Variants in RIMBP2 observed in about 807,000 individuals in gnomAD.
RIMBP2 encodes RIMS-binding protein 2.
A neutral mutation model predicts 118.6 loss-of-function variants in RIMBP2; 48 were observed. The ratio of observed to expected loss-of-function variants is 0.40; its 90% confidence interval spans 0.32 to 0.51. The LOEUF (loss-of-function observed/expected upper bound fraction) is 0.51, where lower values mean the gene tolerates loss of function less well. RIMBP2 is among the 20% of genes least tolerant of loss of function. The pLI, the probability that RIMBP2 is intolerant of heterozygous loss-of-function variation, is 0.41. For synonymous variants in RIMBP2, 762 were observed against 742.9 expected, an observed-to-expected ratio of 1.03 and a Z score of -0.42; for missense variants, 1,551 against 1,768.3, an observed-to-expected ratio of 0.88 and a Z score of 2.20.
At chr12:130,504,660 G>A (rs1349656763) in intron 4 of RIMBP2, among the ~76,000 whole-genome samples, 2 of 152,128 alleles carry the variant, frequency 1.3e-5, no homozygotes, top group African/African-American at 4.8e-5. Flanking sequence ...CCCCAGAACT[G>A]TAAGAGAATA....
rs1401278340 is a variant in RIMBP2 at position 130,420,001 on chromosome 12, G to A, written c.3238+2452C>T. Among the ~76,000 whole-genome samples the A allele has an allele frequency of 6.6e-6, 1 of 152,160 alleles. No homozygotes were observed. Among genetic ancestry groups the A allele is most frequent in the Non-Finnish European group, 1.5e-5 (1 of 68,012 alleles). ...CCACTGCTTATTAAAAATAGGAAGT[G>A]TATGGTTTACAGACTTAATTTCCTC... On this transcript the variant is annotated intron_variant, in intron 17 of 22. Coordinates refer to ENST00000690449, the MANE Select transcript of RIMBP2 (RefSeq NM_001393629.1). The surrounding 1 kb of genome is among the most constrained non-coding windows in gnomAD (Gnocchi z 4.3).
In RIMBP2 at chr12:130,446,790, A is replaced by G. The variant is rs535069387; in HGVS notation, c.582-1521T>C. On this transcript the variant is annotated intron_variant, in intron 9 of 22. Transcript: ENST00000690449. The surrounding 1 kb of genome is among the most constrained non-coding windows in gnomAD (Gnocchi z 4.1). ...TTTTAAGCCAGGGAGCGACAGGATC[A>G]TGTTTGCGTTTTACAAAGAGACCTC... Among the ~76,000 whole-genome samples the G allele has an allele frequency of 6.6e-6, 1 of 152,322 alleles. No homozygotes were observed. Among genetic ancestry groups the G allele is most frequent in the East Asian group, 1.9e-4 (1 of 5,178 alleles).
intron 6 of RIMBP2, among the ~76,000 whole-genome samples, chr12:130,460,707 G>C (rs1177422838): frequency 6.6e-6 from 1 of 152,150 alleles, no homozygotes; most frequent in Non-Finnish European, 1.5e-5. Flanking sequence ...AGCAACAGCA[G>C]GGATATTGGT....
intron 2 of RIMBP2, among the ~76,000 whole-genome samples, chr12:130,531,813 A>ATGAGAGTCCATGAGAGTCC: frequency 6.7e-6 from 1 of 149,462 alleles, no homozygotes; most frequent in Admixed American, 6.7e-5. Flanking sequence ...CATGAGAGTC[A>ATGAGAGTCCATGAGAGTCC]AAACCCAGAT....
chr12:130,637,087 C>A (rs12813236), intron 1 of RIMBP2, among the ~76,000 whole-genome samples: 16,102 of 152,128 alleles, frequency 0.11, 865 homozygotes, highest in African/African-American at 0.14. Context: ...GTGTTCATAG[C>A]AGTATATATA....
At chr12:130,560,960 G>C (rs1002348361) in intron 2 of RIMBP2, among the ~76,000 whole-genome samples, 2 of 152,264 alleles carry the variant, frequency 1.3e-5, no homozygotes, top group Non-Finnish European at 2.9e-5. Context: ...GGCCATGCTG[G>C]AGCAGGGTGG....
In RIMBP2 at chr12:130,585,663, A is replaced by G. The variant is rs556231217; in HGVS notation, c.-217+42659T>C. Among the ~76,000 whole-genome samples, 5 of 151,924 alleles carry G rather than the reference A, an allele frequency of 3.3e-5. No individual in the cohort carries two copies. In the East Asian group the frequency reaches 9.7e-4, roughly 29 times the overall value. On this transcript the variant is annotated intron_variant, in intron 2 of 22. Transcript: ENST00000690449. ...AGTTTTTAAAACCAGAAGATTCTAC[A>G]TGAGAATCTGGTTTTCTAACATCTT...
chr12:130,568,486 GCAGA>G (rs1836478873), intron 2 of RIMBP2, among the ~76,000 whole-genome samples: 1 of 152,220 alleles, frequency 6.6e-6, no homozygotes, highest in African/African-American at 2.4e-5. Flanking sequence ...AGAGCCGTGA[GCAGA>G]CATTCAGCCT....
At chr12:130,709,788 G>T (rs1452548491) in intron 1 of RIMBP2, among the ~76,000 whole-genome samples, 1 of 152,040 alleles carries the variant, frequency 6.6e-6, no homozygotes, top group Non-Finnish European at 1.5e-5. Flanking sequence ...ACACACACTG[G>T]GTGTGGCACC....
rs141479634 is a variant in RIMBP2 at position 130,710,058 on chromosome 12, C to G, written c.-352+6164G>C. 6.6e-6 allele frequency among the ~76,000 whole-genome samples: 1 copy of G among 152,122 alleles called. No homozygotes were observed. Among genetic ancestry groups the G allele is most frequent in the Non-Finnish European group, 1.5e-5 (1 of 68,014 alleles). On this transcript the variant is annotated intron_variant, in intron 1 of 22. Coordinates refer to ENST00000690449, the MANE Select transcript of RIMBP2 (RefSeq NM_001393629.1). This position sits in a 1 kb window ranked among gnomAD's most constrained non-coding sequence, Gnocchi z 4.3. ...GTTTCCGGGTATCCCTGGGAGCTCA[C>G]GGGTGGACACCGAGGGTCTCCAGGA...
rs1352917025 is a variant in RIMBP2 at position 130,701,402 on chromosome 12, A to C, written c.-352+14820T>G. ...CTGCCTTACACTCAGCTTACATCAC[A>C]CGTGGAACTGCTTGTATTGGAGTTT... On this transcript the variant is annotated intron_variant, in intron 1 of 22. Coordinates refer to ENST00000690449, the MANE Select transcript of RIMBP2 (RefSeq NM_001393629.1). Among the ~76,000 whole-genome samples, 8 of 152,220 alleles carry C rather than the reference A, an allele frequency of 5.3e-5. 1 individual carries two copies. The highest frequency in any genetic ancestry group is 1.9e-4 in the African/African-American group (8 of 41,458).
chr12:130,495,453 G>A (rs1341123466), intron 4 of RIMBP2, among the ~76,000 whole-genome samples: 1 of 152,170 alleles, frequency 6.6e-6, no homozygotes, highest in Admixed American at 6.5e-5. Context: ...ACAGACATGT[G>A]CAGGGTGCCC....
intron 2 of RIMBP2, among the ~76,000 whole-genome samples, chr12:130,533,573 A>G (rs948548854): frequency 6.6e-6 from 1 of 152,242 alleles, no homozygotes; most frequent in Non-Finnish European, 1.5e-5. Context: ...CACCCAAAGG[A>G]AAACAAATCA....
chr12:130,418,910 C>T (rs931716953), intron 17 of RIMBP2, among the ~76,000 whole-genome samples: 2 of 152,188 alleles, frequency 1.3e-5, no homozygotes, highest in African/African-American at 4.8e-5. Flanking sequence ...TGCCTGAGGC[C>T]AGTCCCCCAA....
At chr12:130,545,691 C>A (rs1253685645) in intron 2 of RIMBP2, among the ~76,000 whole-genome samples, 1 of 152,142 alleles carries the variant, frequency 6.6e-6, no homozygotes, top group African/African-American at 2.4e-5. Context: ...CGTCGAGTGT[C>A]ACGTCTGGGG....
At position 130,615,287 on chromosome 12, in the gene RIMBP2, ATATATATATG is replaced by A. The variant is rs1248120916; in HGVS notation, c.-217+13025_-217+13034del. ...ACATAATACACATACATATATATAT[ATATATATATG>A]TGTACACACAAACATATATAGATAT... On this transcript the variant is annotated intron_variant, in intron 2 of 22. Coordinates refer to ENST00000690449, the MANE Select transcript of RIMBP2 (RefSeq NM_001393629.1). Among the ~76,000 whole-genome samples the A allele has an allele frequency of 3.8e-4, 51 of 134,062 alleles. 2 individuals are homozygous for A. Among genetic ancestry groups the A allele is most frequent in the African/African-American group, 1.2e-3 (43 of 35,050 alleles). 87.9% of individuals were successfully genotyped at this position (134,062 alleles called of 152,430 possible).
At chr12:130,561,178 C>T (rs1173737053) in intron 2 of RIMBP2, among the ~76,000 whole-genome samples, 1 of 152,178 alleles carries the variant, frequency 6.6e-6, no homozygotes, top group African/African-American at 2.4e-5. Flanking sequence ...TAGAAAAAGC[C>T]AACCCTGCCA....
At chr12:130,414,359 C>T (rs538116533) in intron 17 of RIMBP2, 53 bp from the exon 18 acceptor site, 14 of 1,498,168 alleles carry the variant, frequency 9.3e-6, no homozygotes, top group Admixed American at 4.5e-5. Flanking sequence ...AACTGAGGAG[C>T]GTGCACGGGA....
chr12:130,498,537 T>C (rs1005427740), intron 4 of RIMBP2, among the ~76,000 whole-genome samples: 4 of 151,050 alleles, frequency 2.6e-5, no homozygotes, highest in African/African-American at 9.8e-5. Flanking sequence ...CAAGGGGGCC[T>C]CTGGTCCTTT....
Sources: gnomAD v4.1 joint callset for allele counts (sites outside exome capture counted in the v4.1 genomes callset) on GRCh38, gnomAD v4.1.1 for gene constraint, Gnocchi (gnomAD v3.1) non-coding constraint, MANE v1.5 for transcripts, NCBI Gene and HGNC (gene_info 2026-07-23, HGNC 2026-07-21) for gene names.